PCDHA6: variants seen among roughly 807,000 people sequenced by gnomAD.
PCDHA6 encodes protocadherin alpha 6, also known as protocadherin alpha-6.
PCDHA6 carries 55 observed loss-of-function variants against 60.3 expected under a neutral mutation model. The observed-to-expected ratio is 0.91, with a 90% CI of 0.73 to 1.14. PCDHA6 has a LOEUF of 1.14. Ranked by LOEUF, PCDHA6 falls within the 50% of genes most tolerant of loss-of-function variation. The pLI is 0.00. For synonymous variants in PCDHA6, 652 were observed against 557.9 expected (o/e 1.17, Z -2.38); for missense variants, 1,327 against 1,256.5 (o/e 1.06, Z -0.85).
At chr5:140,960,680 G>A (rs192174088) in intron 1 of PCDHA6, among the ~76,000 whole-genome samples, 2 of 152,162 alleles carry the variant, frequency 1.3e-5, no homozygotes, top group African/African-American at 4.8e-5. Context: ...AAACCTACTT[G>A]GGAATGAGGG....
chr5:140,967,044 A>G, intron 1 of PCDHA6: 3 of 1,612,116 alleles, frequency 1.9e-6, no homozygotes, highest in Non-Finnish European at 2.5e-6. Context: ...CTGGAGCTGG[A>G]CCTGACGAGT....
At chr5:140,917,530 T>C (rs2078244431) in intron 1 of PCDHA6, among the ~76,000 whole-genome samples, 1 of 152,262 alleles carries the variant, frequency 6.6e-6, no homozygotes, top group Admixed American at 6.5e-5. Flanking sequence ...ACGGTTTGTA[T>C]AGTTTTAGGT....
intron 1 of PCDHA6, chr5:140,852,648 C>T: frequency 1.0e-6 from 1 of 958,186 alleles, no homozygotes; most frequent in Non-Finnish European, 1.3e-6. Flanking sequence ...TTAAACCTAT[C>T]TATATCTGTC....
intron 1 of PCDHA6, among the ~76,000 whole-genome samples, chr5:140,879,010 G>C (rs2057809352): frequency 6.6e-6 from 1 of 152,200 alleles, no homozygotes; most frequent in Non-Finnish European, 1.5e-5. Context: ...CTAGAAATCA[G>C]ATAATGTTTT....
In PCDHA6 at chr5:140,829,947, G is replaced by A. The variant is rs2150178345; in HGVS notation, c.1856G>A (p.Arg619His). ...CTGCAGCCCCCGGCAAGCAGCGCTC[G>A]CTTCCCGTTTCGCGTGGGGCTGTAC... The part of the protein sequence containing the change: ...YELQPPASSA[R>H]FPFRVGLYTG... The change falls in exon 1 of 4, where the codon CGC becomes CAC. Residue 619 changes from arginine to histidine, a missense_variant. Coordinates refer to ENST00000529310, the MANE Select transcript of PCDHA6 (RefSeq NM_018909.4). 3 of 1,613,878 alleles carry A rather than the reference G, an allele frequency of 1.9e-6. No homozygotes were observed. Among genetic ancestry groups the A allele is most frequent in the Non-Finnish European group, 2.5e-6 (3 of 1,179,926 alleles).
chr5:140,969,201 G>A (rs2096306183), intron 1 of PCDHA6: 2 of 1,614,110 alleles, frequency 1.2e-6, no homozygotes, highest in Non-Finnish European at 1.7e-6. Context: ...TACAATACAG[G>A]GGCCCAGACA....
chr5:140,926,303 C>G (rs1248613470), intron 1 of PCDHA6: 1 of 152,328 alleles, frequency 6.6e-6, no homozygotes, highest in African/African-American at 2.4e-5. Flanking sequence ...CCCGCCCTCT[C>G]CGCCGGAGAG....
At chr5:140,918,940 A>G (rs541337613) in intron 1 of PCDHA6, among the ~76,000 whole-genome samples, 1 of 152,212 alleles carries the variant, frequency 6.6e-6, no homozygotes, top group Non-Finnish European at 1.5e-5. Context: ...TTTTGTTATA[A>G]TATCCTGAAC....
chr5:140,869,279 T>C, intron 1 of PCDHA6: 1 of 1,613,596 alleles, frequency 6.2e-7, no homozygotes, highest in Non-Finnish European at 8.5e-7. Context: ...CTGGCGGAGC[T>C]GGTGCAGCGC....
chr5:140,884,241 C>G lies in PCDHA6; in HGVS notation c.2394+53756C>G, dbSNP rs782355331. 3.7e-6 allele frequency: 6 copies of G among 1,613,408 alleles called. No homozygotes were observed. The South Asian group carries it at 4.4e-5, about 12-fold the overall frequency. ...CTGGTGAAGGACCACGGTGAGCCCG[C>G]GCTGACGGCCACGGCAACGGTGCTG... On this transcript the variant is annotated intron_variant, in intron 1 of 3. Coordinates refer to ENST00000529310, the MANE Select transcript of PCDHA6 (RefSeq NM_018909.4).
rs185115696 is a variant in PCDHA6, at chr5:140,899,982, A to G, written c.2394+69497A>G. Among the ~76,000 whole-genome samples the G allele has an allele frequency of 7.7e-3, 1,166 of 150,716 alleles. 5 individuals carry two copies. The highest frequency in any genetic ancestry group is 0.018 in the African/African-American group (738 of 41,016). On this transcript the variant is annotated intron_variant, in intron 1 of 3. Coordinates refer to ENST00000529310, the MANE Select transcript of PCDHA6 (RefSeq NM_018909.4). Reference sequence around the variant, plus strand: ...GCTGCCATGCCCAGCTACTTTTTTGATTTTTTTTGTAGAGATGAGGTCTCA... The same window carrying G: ...GCTGCCATGCCCAGCTACTTTTTTGGTTTTTTTTGTAGAGATGAGGTCTCA...
intron 1 of PCDHA6, chr5:140,966,193 G>C (rs1554228123): frequency 4.8e-6 from 1 of 207,392 alleles, no homozygotes; most frequent in Non-Finnish European, 9.5e-6. Flanking sequence ...CAGACTTCTA[G>C]GGGCTTGACT....
rs2150158011 is a variant in PCDHA6, at chr5:140,828,699, A to C, written c.608A>C (p.Glu203Ala). ...TTATTAAAGAAATCCTTGGACAGAGAGGAAGCTCCTGCACACAACTTATTC... is the reference window on the plus strand; with the variant it reads ...TTATTAAAGAAATCCTTGGACAGAGCGGAAGCTCCTGCACACAACTTATTC... ...GLLLKKSLDREEAPAHNLFLT... is the reference protein window; with the variant it reads ...GLLLKKSLDRAEAPAHNLFLT... Residue 203 changes from glutamate (E) to alanine (A), a missense_variant, in exon 1 of 4, where the codon GAG becomes GCG. Physicochemically the swap from Glu to Ala is moderately radical, Grantham distance 107 (BLOSUM62 -1). Coordinates refer to ENST00000529310, the MANE Select transcript of PCDHA6 (RefSeq NM_018909.4). The C allele has an allele frequency of 9.9e-6, 16 of 1,614,132 alleles. No individual in the cohort carries two copies. Among genetic ancestry groups the C allele is most frequent in the Non-Finnish European group, 1.4e-5 (16 of 1,180,048 alleles).
At chr5:140,921,588 T>C (rs534654717) in intron 1 of PCDHA6, among the ~76,000 whole-genome samples, 1 of 152,342 alleles carries the variant, frequency 6.6e-6, no homozygotes, top group African/African-American at 2.4e-5. Flanking sequence ...TACTATATTA[T>C]GGTTTCAAAG....
chr5:140,830,085 T>C lies in PCDHA6; in HGVS notation c.1994T>C (p.Val665Ala). ...GEPALTATAT[V>A]LVSLVESGQA... is the part of the protein sequence containing the mutation. ...CCGGCGCTGACAGCGACGGCCACGG[T>C]TCTGGTGTCGCTGGTGGAGAGTGGC... The change falls in exon 1 of 4, where the codon GTT (valine) becomes GCT (alanine). Residue 665 changes from valine (V) to alanine (A), a missense_variant. Coordinates refer to ENST00000529310, the MANE Select transcript of PCDHA6 (RefSeq NM_018909.4). 2 of 1,613,570 alleles carry C rather than the reference T, an allele frequency of 1.2e-6. No individual in the cohort carries two copies. The highest frequency in any genetic ancestry group is 1.7e-6 in the Non-Finnish European group (2 of 1,179,858).
chr5:140,901,695 T>G (rs1554189992), intron 1 of PCDHA6, among the ~76,000 whole-genome samples: 1 of 152,216 alleles, frequency 6.6e-6, no homozygotes, highest in Non-Finnish European at 1.5e-5. Context: ...TATTTTGTAG[T>G]TCTATATACA....
chr5:140,934,152 T>C (rs2089672287), intron 1 of PCDHA6, among the ~76,000 whole-genome samples: 1 of 152,190 alleles, frequency 6.6e-6, no homozygotes. Context: ...TATATGTTTA[T>C]ATTTCAGTGT....
intron 1 of PCDHA6, chr5:140,858,198 C>T (rs1418909754): frequency 1.9e-6 from 3 of 1,597,294 alleles, no homozygotes; most frequent in African/African-American, 2.7e-5. Flanking sequence ...CTGCTGTACA[C>T]TGCACTGAGG....
intron 1 of PCDHA6, chr5:140,848,940 G>C: frequency 6.2e-7 from 1 of 1,607,456 alleles, no homozygotes; most frequent in Non-Finnish European, 8.5e-7. Context: ...CAGGCCGCTT[G>C]ACTCTCGGTT....
Sources: allele counts gnomAD v4.1 joint callset (sites outside exome capture counted in the v4.1 genomes callset), GRCh38; gene constraint gnomAD v4.1.1; transcripts MANE v1.5; gene names NCBI Gene and HGNC (gene_info 2026-07-23, HGNC 2026-07-21).